Variants in BBX observed in about 807,000 individuals in gnomAD.
BBX encodes the protein HMG box transcription factor BBX.
Under a neutral mutation model 100.2 loss-of-function variants are expected in BBX, and 30 were observed. The observed-to-expected ratio is 0.30, with a 90% CI of 0.22 to 0.41. The LOEUF is 0.41. Ranked by LOEUF, BBX falls within the 10% of genes least tolerant of loss-of-function variation. The pLI, the probability that BBX is intolerant of heterozygous loss-of-function variation, is 1.00. For missense variants in BBX, 1,023 were observed against 1,129.8 expected, an observed-to-expected ratio of 0.91 and a Z score of 1.35; for synonymous variants, 376 against 388.1, an observed-to-expected ratio of 0.97 and a Z score of 0.37.
At chr3:107,775,271 T>C (rs1031073276) in intron 12 of BBX, among the ~76,000 whole-genome samples, 7 of 152,162 alleles carry the variant, frequency 4.6e-5, no homozygotes, top group African/African-American at 1.7e-4. Flanking sequence ...GAAATTATGC[T>C]TCTATCGCCA....
intron 2 of BBX, among the ~76,000 whole-genome samples, chr3:107,622,091 T>G (rs761100302): frequency 2.0e-5 from 3 of 152,248 alleles, no homozygotes; most frequent in Non-Finnish European, 2.9e-5. Context: ...TCATTTGTAG[T>G]CATACTTTCC....
chr3:107,708,604 G>A (rs2061524917), intron 3 of BBX, among the ~76,000 whole-genome samples: 1 of 149,878 alleles, frequency 6.7e-6, no homozygotes, highest in Admixed American at 6.7e-5. Context: ...AACCGGGGAG[G>A]CAGAGGTTGC....
chr3:107,723,423 T>A (rs1388760061), intron 5 of BBX, among the ~76,000 whole-genome samples: 2 of 152,052 alleles, frequency 1.3e-5, no homozygotes, highest in Admixed American at 1.3e-4. Flanking sequence ...TAATTTTTTT[T>A]ATTATACTTT....
intron 3 of BBX, among the ~76,000 whole-genome samples, chr3:107,647,080 A>G (rs1190367281): frequency 6.6e-6 from 1 of 152,168 alleles, no homozygotes; most frequent in African/African-American, 2.4e-5. Flanking sequence ...CTATCCTTCA[A>G]GGCACACTTG....
chr3:107,791,209 CTT>C, intron 14 of BBX, 29 bp from the exon 15 acceptor site: 1 of 1,597,830 alleles, frequency 6.3e-7, no homozygotes, highest in Non-Finnish European at 8.6e-7. Flanking sequence ...TAGAGTTTCA[CTT>C]TTCTTTCCTT....
chr3:107,787,272 G>C (rs1047360104), intron 13 of BBX, among the ~76,000 whole-genome samples: 1 of 152,160 alleles, frequency 6.6e-6, no homozygotes, highest in Non-Finnish European at 1.5e-5. Flanking sequence ...TGAGATTACA[G>C]ATGTGAGCCA....
At chr3:107,780,157 A>AGT (rs2067728807) in intron 13 of BBX, among the ~76,000 whole-genome samples, 1 of 152,122 alleles carries the variant, frequency 6.6e-6, no homozygotes, top group Non-Finnish European at 1.5e-5. Context: ...GAATAGGAAA[A>AGT]GTAGTCCATG....
chr3:107,661,079 G>T (rs1576223855), intron 3 of BBX, among the ~76,000 whole-genome samples: 3 of 152,014 alleles, frequency 2.0e-5, no homozygotes, highest in Admixed American at 1.3e-4. Flanking sequence ...AAAAATTTTT[G>T]TCAAGTGACT....
chr3:107,619,304 T>C (rs1559881459), intron 2 of BBX, among the ~76,000 whole-genome samples: 1 of 152,136 alleles, frequency 6.6e-6, no homozygotes. Context: ...AGATAGCATA[T>C]AGTTAGATCA....
intron 3 of BBX, among the ~76,000 whole-genome samples, chr3:107,690,664 C>T (rs1296335583): frequency 6.6e-6 from 1 of 151,734 alleles, no homozygotes; most frequent in African/African-American, 2.4e-5. Context: ...AAAGCATTAC[C>T]TTTATATTTA....
intron 3 of BBX, among the ~76,000 whole-genome samples, chr3:107,659,417 G>T (rs1417550879): frequency 3.3e-5 from 5 of 151,576 alleles, no homozygotes; most frequent in East Asian, 1.9e-4. Context: ...ATAATTTTTT[G>T]ATGTAAGTCT....
At chr3:107,611,547 T>C (rs548813001) in intron 2 of BBX, among the ~76,000 whole-genome samples, 4 of 152,302 alleles carry the variant, frequency 2.6e-5, no homozygotes, top group African/African-American at 9.6e-5. Flanking sequence ...CCTTTAAATA[T>C]GTCATGCCAC....
intron 5 of BBX, among the ~76,000 whole-genome samples, chr3:107,723,064 C>G (rs1280729069): frequency 6.6e-6 from 1 of 151,926 alleles, no homozygotes; most frequent in Non-Finnish European, 1.5e-5. Context: ...CAATAATTTT[C>G]TAGTTTAATC....
chr3:107,646,220 A>G (rs2057510660), intron 3 of BBX: 1 of 152,138 alleles, frequency 6.6e-6, no homozygotes, highest in African/African-American at 2.4e-5. Flanking sequence ...AAGAGGTTAT[A>G]TACCTAAATA....
At chr3:107,774,878 T>TC in intron 12 of BBX, 21 bp downstream of exon 12, 1 of 1,610,562 alleles carries the variant, frequency 6.2e-7, no homozygotes, top group Non-Finnish European at 8.5e-7. Context: ...GTGAGCACAG[T>TC]CACCTGTACT....
At chr3:107,627,274 T>C (rs2056248506) in intron 2 of BBX, among the ~76,000 whole-genome samples, 1 of 152,202 alleles carries the variant, frequency 6.6e-6, no homozygotes, top group Non-Finnish European at 1.5e-5. Context: ...TTAGTGTGTT[T>C]CCTATTGATG....
chr3:107,629,076 C>T (rs2056387074), intron 2 of BBX, among the ~76,000 whole-genome samples: 1 of 152,002 alleles, frequency 6.6e-6, no homozygotes, highest in South Asian at 2.1e-4. Flanking sequence ...AGTTAAGCTT[C>T]CCCTCCCCAC....
chr3:107,624,444 A>C (rs924399160), intron 2 of BBX, among the ~76,000 whole-genome samples: 3 of 152,358 alleles, frequency 2.0e-5, no homozygotes, highest in Non-Finnish European at 2.9e-5. Context: ...AAAAGCAAAA[A>C]ATATACAGTG....
chr3:107,786,590 A>G lies in BBX; in HGVS notation c.2204-3197A>G, dbSNP rs917384887. ...AAAAATGATTCTGGATCAACTGAGT[A>G]TCTACATTCAAATGAAGTTGGACAC... On this transcript the variant is annotated intron_variant, in intron 13 of 17. Coordinates refer to ENST00000325805, the MANE Select transcript of BBX (RefSeq NM_001142568.3). 2.6e-5 allele frequency among the ~76,000 whole-genome samples: 4 copies of G among 152,180 alleles called. No individual in the cohort carries two copies. In the South Asian group the frequency reaches 8.3e-4, roughly 31 times the overall value.
Sources: gnomAD v4.1 joint callset for allele counts (sites outside exome capture counted in the v4.1 genomes callset) on GRCh38, gnomAD v4.1.1 for gene constraint, MANE v1.5 for transcripts, NCBI Gene and HGNC (gene_info 2026-07-23, HGNC 2026-07-21) for gene names.